Variants in HEATR5A observed in about 807,000 individuals in gnomAD.
The protein encoded by HEATR5A is HEAT repeat-containing protein 5A.
A neutral mutation model predicts 218.8 loss-of-function variants in HEATR5A; 178 were observed. The observed-to-expected ratio is 0.81, with a 90% confidence interval of 0.72 to 0.92. The LOEUF (loss-of-function observed/expected upper bound fraction) is 0.92, where lower values mean the gene tolerates loss of function less well. HEATR5A is among the 40% of genes least tolerant of loss of function. The pLI is 0.00. For missense variants in HEATR5A, 2,420 were observed against 2,418.9 expected (o/e 1.00, Z -0.01); for synonymous variants, 864 against 871.6 (o/e 0.99, Z 0.15).
At chr14:31,374,772 A>G in intron 12 of HEATR5A, 44 bp downstream of exon 12, 1 of 1,558,544 alleles carries the variant, frequency 6.4e-7, no homozygotes, top group South Asian at 1.2e-5. Flanking sequence ...AAGGGTGGGT[A>G]AAAAGCCAAA....
At position 31,293,984 on chromosome 14, in the gene HEATR5A, T is replaced by C. The variant is rs1259612827; in HGVS notation, c.5740A>G (p.Lys1914Glu). The C allele has an allele frequency of 1.9e-6, 3 of 1,606,904 alleles. No individual in the cohort carries two copies. The highest frequency in any genetic ancestry group is 2.6e-6 in the Non-Finnish European group (3 of 1,176,388). Reference sequence around the variant, plus strand: ...TCAGCAGTGTTTTCAGGTTTTCTCTTGTCTATTTCCTGCAGTTTTTCCATG... The same window carrying C: ...TCAGCAGTGTTTTCAGGTTTTCTCTCGTCTATTTCCTGCAGTTTTTCCATG... Reference protein sequence around the residue: ...CIMEKLQEIDKRKPENTAELE... With the variant: ...CIMEKLQEIDERKPENTAELE... Residue 1914 changes from lysine to glutamate, a missense_variant, in exon 35 of 36, where the codon AAG becomes GAG. Coordinates refer to ENST00000543095, the MANE Select transcript of HEATR5A (RefSeq NM_015473.4).
chr14:31,372,335 C>T (rs1247647036), intron 12 of HEATR5A, among the ~76,000 whole-genome samples: 2 of 152,086 alleles, frequency 1.3e-5, no homozygotes, highest in Non-Finnish European at 2.9e-5. Flanking sequence ...TGCTACCACC[C>T]CTGGATAATT....
intron 22 of HEATR5A, among the ~76,000 whole-genome samples, chr14:31,327,068 G>A (rs532060636): frequency 6.6e-6 from 1 of 151,066 alleles, no homozygotes; most frequent in Admixed American, 6.6e-5. Context: ...TCTGCCTCCC[G>A]GGTTGAATTG....
chr14:31,311,393 ATGAC>A (rs1899745954), intron 28 of HEATR5A, among the ~76,000 whole-genome samples: 1 of 152,114 alleles, frequency 6.6e-6, no homozygotes, highest in African/African-American at 2.4e-5. Context: ...CAAACCATAA[ATGAC>A]TGACTGATTA....
chr14:31,370,611 A>C (rs1025418769), intron 13 of HEATR5A, among the ~76,000 whole-genome samples: 1 of 152,230 alleles, frequency 6.6e-6, no homozygotes, highest in Non-Finnish European at 1.5e-5. Context: ...CTAGAGACTT[A>C]AACAGCTTGA....
chr14:31,395,753 T>C (rs913464174), intron 4 of HEATR5A, among the ~76,000 whole-genome samples: 3 of 152,186 alleles, frequency 2.0e-5, no homozygotes, highest in African/African-American at 7.2e-5. Context: ...ATAGTATCCC[T>C]CATAGGCTGT....
At chr14:31,389,067 G>T (rs1420143298) in intron 6 of HEATR5A, 62 bp from the exon 7 acceptor site, 11 of 1,404,982 alleles carry the variant, frequency 7.8e-6, no homozygotes, top group Non-Finnish European at 1.1e-5. Context: ...GTAAGTTCTT[G>T]ATTTGCAAAA....
chr14:31,318,576 C>T (rs142005051), intron 25 of HEATR5A, among the ~76,000 whole-genome samples: 24 of 152,254 alleles, frequency 1.6e-4, no homozygotes, highest in Non-Finnish European at 2.8e-4. Flanking sequence ...CTACAGCCTC[C>T]GCCTCCCAGG....
rs2030090222 is a variant in HEATR5A at position 31,383,736 on chromosome 14, G to C, written c.1381C>G (p.Pro461Ala). 5 of 1,613,372 alleles carry C rather than the reference G, an allele frequency of 3.1e-6. No individual in the cohort carries two copies. Among genetic ancestry groups the C allele is most frequent in the Non-Finnish European group, 4.2e-6 (5 of 1,179,630 alleles). ...LDSILSVILH[P>A]SISVRLAAAW... ...GCTGCTAGTCGAACAGAAATGCTAG[G>C]ATGAAGAATAACTGACAAGATACTG... The change falls in exon 10 of 36, where the codon CCT (proline) becomes GCT (alanine). Residue 461 changes from proline (P) to alanine (A), a missense_variant. Transcript: ENST00000543095.
intron 25 of HEATR5A, 123 bp from the exon 26 acceptor site, chr14:31,318,415 T>C (rs766110155): frequency 6.7e-6 from 5 of 750,200 alleles, no homozygotes; most frequent in Non-Finnish European, 1.1e-5. Context: ...TGTTGTTTTG[T>C]CTACCCAGTG....
At chr14:31,396,168 GC>G (rs752212657) in intron 4 of HEATR5A, among the ~76,000 whole-genome samples, 2 of 152,088 alleles carry the variant, frequency 1.3e-5, no homozygotes, top group Non-Finnish European at 2.9e-5. Context: ...ACCAGCCTGG[GC>G]AACATGGTGA....
chr14:31,399,702 T>G (rs1052318999), intron 3 of HEATR5A, among the ~76,000 whole-genome samples: 2 of 152,134 alleles, frequency 1.3e-5, no homozygotes, highest in African/African-American at 2.4e-5. Flanking sequence ...TGGTGCCATG[T>G]GCCTGTAGTC....
rs1231437786 is a variant in HEATR5A at position 31,326,254 on chromosome 14, T to A, written c.3456A>T (p.Lys1152Asn). 2.5e-6 allele frequency: 4 copies of A among 1,613,066 alleles called. No homozygotes were observed. Residue 1152 changes from lysine (K) to asparagine (N), a missense_variant, in exon 23 of 36, where the codon AAA (lysine) becomes AAT (asparagine). Physicochemically the swap from Lys to Asn is moderately conservative, Grantham distance 94. Coordinates refer to ENST00000543095, the MANE Select transcript of HEATR5A (RefSeq NM_015473.4). The part of the protein sequence containing the change: ...ETDERLCHDI[K>N]ETLNYMLTSM... ...ATGTAAGCATATAATTTAAAGTCTC[T>A]TTGATATCATGGCATAATCTCTCAT...
At chr14:31,313,326 C>A (rs1899816187) in intron 27 of HEATR5A, 136 bp from the exon 28 acceptor site, 2 of 658,020 alleles carry the variant, frequency 3.0e-6, no homozygotes, top group Admixed American at 5.7e-5. Flanking sequence ...ATCAAGAAGG[C>A]CTGTCTGTGT....
At chr14:31,301,898 A>T (rs138158719) in intron 33 of HEATR5A, among the ~76,000 whole-genome samples, 2 of 135,516 alleles carry the variant, frequency 1.5e-5, no homozygotes, top group Non-Finnish European at 3.0e-5. Flanking sequence ...GCTCCCTGAA[A>T]CCTCCACCTC....
chr14:31,316,327 A>G (rs1367452204), intron 26 of HEATR5A, among the ~76,000 whole-genome samples: 1 of 77,942 alleles, frequency 1.3e-5, no homozygotes, highest in Non-Finnish European at 4.1e-5. Context: ...CCATCTCTTA[A>G]AAAAAAAAAT....
chr14:31,319,096 T>G (rs944602848), intron 25 of HEATR5A, among the ~76,000 whole-genome samples: 4 of 152,228 alleles, frequency 2.6e-5, no homozygotes, highest in Non-Finnish European at 5.9e-5. Flanking sequence ...GCTAAAAATA[T>G]AACAGAACTC....
intron 1 of HEATR5A, among the ~76,000 whole-genome samples, chr14:31,407,148 G>A (rs1460868845): frequency 6.6e-6 from 1 of 151,868 alleles, no homozygotes; most frequent in Non-Finnish European, 1.5e-5. Context: ...AAAATTAGCT[G>A]GGCATGGTGG....
rs373215897 is a variant in HEATR5A, at chr14:31,357,722, A to G, written c.2411+915T>C. 8.5e-5 allele frequency among the ~76,000 whole-genome samples: 13 copies of G among 152,352 alleles called. No homozygotes were observed. In the South Asian group the frequency reaches 1.9e-3, roughly 22 times the overall value. On this transcript the variant is annotated intron_variant, in intron 16 of 35. Coordinates refer to ENST00000543095, the MANE Select transcript of HEATR5A (RefSeq NM_015473.4). ...TTATTAATTTTTCACATACAATAGC[A>G]TAAGATGGAAATCCCTACATAGTAT...
Sources: gnomAD v4.1 joint callset for allele counts (sites outside exome capture counted in the v4.1 genomes callset) on GRCh38, gnomAD v4.1.1 for gene constraint, MANE v1.5 for transcripts, NCBI Gene and HGNC (gene_info 2026-07-23, HGNC 2026-07-21) for gene names.